The following ANK3 variants were observed in gnomAD, a reference collection of about 807,000 sequenced individuals.
The protein encoded by ANK3 is ankyrin 3, also known as ankyrin-3.
In ANK3, 57 loss-of-function variants were observed where a neutral mutation model predicts 370.9. The observed-to-expected ratio is 0.15, with a 90% CI of 0.12 to 0.19. The LOEUF (loss-of-function observed/expected upper bound fraction) is 0.19, where lower values mean the gene tolerates loss of function less well. Ranked by LOEUF, ANK3 falls within the 10% of genes least tolerant of loss-of-function variation. The pLI is 1.00. For synonymous variants in ANK3, 1,929 were observed against 1,946.3 expected (o/e 0.99, Z 0.23); for missense variants, 4,439 against 5,302.1 (o/e 0.84, Z 5.06).
At chr10:60,564,766 G>T (rs2077419069) in intron 2 of ANK3, among the ~76,000 whole-genome samples, 1 of 152,092 alleles carries the variant, frequency 6.6e-6, no homozygotes, top group Admixed American at 6.6e-5. Context: ...ATGAGATACA[G>T]TTACGAAGTC....
At chr10:60,565,792 T>A (rs2077445536) in intron 2 of ANK3, among the ~76,000 whole-genome samples, 1 of 152,220 alleles carries the variant, frequency 6.6e-6, no homozygotes, top group Non-Finnish European at 1.5e-5. Flanking sequence ...TTTCATGACT[T>A]CATCCTCCAA....
intron 1 of ANK3, among the ~76,000 whole-genome samples, chr10:60,361,050 G>C (rs978398373): frequency 6.6e-6 from 1 of 152,116 alleles, no homozygotes. Context: ...ATCTTTACTA[G>C]TCTGAAAACT....
At chr10:60,203,173 T>C in intron 11 of ANK3, 73 bp from the exon 12 acceptor site, 1 of 980,426 alleles carries the variant, frequency 1.0e-6, no homozygotes, top group Non-Finnish European at 1.6e-6. Flanking sequence ...CCTGCCTGCC[T>C]GTCATCCATC....
At chr10:60,726,743 TAAAC>T (rs1046691792) in intron 1 of ANK3, among the ~76,000 whole-genome samples, 1 of 152,144 alleles carries the variant, frequency 6.6e-6, no homozygotes, top group African/African-American at 2.4e-5. Context: ...ACTCTGTAAA[TAAAC>T]AAAATTCACT....
chr10:60,157,039 C>CT (rs201585529), intron 23 of ANK3, among the ~76,000 whole-genome samples: 3,740 of 142,320 alleles, frequency 0.026, 142 homozygotes, highest in East Asian at 0.078. Context: ...CTCAATGAAT[C>CT]TTTTTTTTTT....
At chr10:60,248,296 G>C (rs1667433986) in intron 7 of ANK3, among the ~76,000 whole-genome samples, 1 of 152,190 alleles carries the variant, frequency 6.6e-6, no homozygotes, top group Non-Finnish European at 1.5e-5. Flanking sequence ...CATCAACAAT[G>C]TACAAGAGTT....
intron 1 of ANK3, among the ~76,000 whole-genome samples, chr10:60,302,070 A>C (rs892482284): frequency 2.0e-5 from 3 of 152,162 alleles, no homozygotes; most frequent in African/African-American, 7.2e-5. Context: ...ACAGTGGGGG[A>C]GGAAAAACAA....
intron 2 of ANK3, among the ~76,000 whole-genome samples, chr10:60,581,445 G>GACAGAGTC (rs2077751311): frequency 8.8e-6 from 1 of 113,696 alleles, no homozygotes; most frequent in African/African-American, 3.5e-5. Context: ...TTTTTTTTAA[G>GACAGAGTC]ACAGAGTCTC....
intron 25 of ANK3, among the ~76,000 whole-genome samples, chr10:60,128,742 C>T (rs1184659288): frequency 6.6e-6 from 1 of 152,138 alleles, no homozygotes; most frequent in Non-Finnish European, 1.5e-5. Context: ...CTATAAACAA[C>T]TTAATACTGC....
chr10:60,626,844 T>C (rs1356291831), intron 1 of ANK3, among the ~76,000 whole-genome samples: 2 of 152,138 alleles, frequency 1.3e-5, no homozygotes, highest in Non-Finnish European at 2.9e-5. Context: ...AGCAGTATAA[T>C]ACTCAAGTTG....
chr10:60,428,403 C>T (rs1054702482), intron 2 of ANK3, among the ~76,000 whole-genome samples: 6 of 152,082 alleles, frequency 3.9e-5, no homozygotes, highest in African/African-American at 1.4e-4. Context: ...AGTGGCTTAG[C>T]CCAAGAAAGA....
intron 25 of ANK3, among the ~76,000 whole-genome samples, chr10:60,118,380 G>A (rs1590247401): frequency 6.6e-6 from 1 of 152,146 alleles, no homozygotes. Flanking sequence ...CATGAATGAG[G>A]AACAGCTTTA....
chr10:60,678,574 G>A (rs567836234), intron 1 of ANK3, among the ~76,000 whole-genome samples: 89 of 152,014 alleles, frequency 5.9e-4, no homozygotes, highest in Non-Finnish European at 1.1e-3. Context: ...TTATTTACTA[G>A]ATTATATCAA....
intron 38 of ANK3, among the ~76,000 whole-genome samples, chr10:60,066,402 A>G (rs933536686): frequency 2.0e-5 from 3 of 152,240 alleles, no homozygotes; most frequent in Non-Finnish European, 2.9e-5. Flanking sequence ...ACAATGTCCA[A>G]TGTTAAAATA....
chr10:60,147,361 C>T (rs910063419), intron 23 of ANK3, among the ~76,000 whole-genome samples: 3 of 152,208 alleles, frequency 2.0e-5, no homozygotes, highest in Non-Finnish European at 4.4e-5. Context: ...TCCACCTCTC[C>T]TCTCAGTAGG....
chr10:60,243,105 G>A (rs1321836487), intron 7 of ANK3, among the ~76,000 whole-genome samples: 1 of 152,154 alleles, frequency 6.6e-6, no homozygotes, highest in Non-Finnish European at 1.5e-5. Context: ...CAGTGGTTAA[G>A]GGCTAGATTG....
Position 60,486,805 on chromosome 10 carries a change from T to C in ANK3, c.96+128381A>G, listed in dbSNP as rs181107740. ...TAACTGAACTGCTCTTACTGATATA[T>C]TCAATTAACACTAAAAAATGTGTCC... On this transcript the variant is annotated intron_variant, in intron 2 of 43. Coordinates refer to the ANK3 transcript ENST00000373827. Among the ~76,000 whole-genome samples the C allele has an allele frequency of 2.8e-4, 36 of 127,284 alleles. No individual in the cohort carries two copies. In the East Asian group the frequency reaches 7.6e-3, roughly 27 times the overall value. The allele number at this position is 127,284 out of a possible 152,430, so 83.5% of individuals were successfully genotyped here.
chr10:60,327,119 G>A (rs1281099916), intron 1 of ANK3, among the ~76,000 whole-genome samples: 2 of 152,146 alleles, frequency 1.3e-5, no homozygotes, highest in African/African-American at 4.8e-5. Context: ...TCGGTGGGAT[G>A]AAGGCATAAA....
At chr10:60,476,375 G>A (rs1015074783) in intron 2 of ANK3, among the ~76,000 whole-genome samples, 2 of 152,148 alleles carry the variant, frequency 1.3e-5, no homozygotes, top group Non-Finnish European at 2.9e-5. Context: ...TATAATTTCT[G>A]TAGGCACAGC....
Sources: allele counts gnomAD v4.1 joint callset (sites outside exome capture counted in the v4.1 genomes callset), GRCh38; gene constraint gnomAD v4.1.1; transcripts MANE v1.5; gene names NCBI Gene and HGNC (gene_info 2026-07-23, HGNC 2026-07-21).